The following CSMD1 variants were observed in gnomAD, a reference collection of about 807,000 sequenced individuals.
The protein encoded by CSMD1 is CUB and sushi domain-containing protein 1.
Under a neutral mutation model 417.5 loss-of-function variants are expected in CSMD1, and 213 were observed. That is an observed-to-expected ratio of 0.51 (90% CI 0.46 to 0.57). CSMD1 has a LOEUF of 0.57. Among genes scored for constraint, CSMD1 ranks in the 20% least tolerant of loss-of-function variants. The pLI is 0.00. For synonymous variants in CSMD1, 2,862 were observed against 1,736.8 expected (o/e 1.65, Z -16.11); for missense variants, 6,923 against 4,529.7 (o/e 1.53, Z -15.17).
intron 18 of CSMD1, among the ~76,000 whole-genome samples, chr8:3,382,668 G>T (rs1034033666): frequency 6.7e-6 from 1 of 148,862 alleles, no homozygotes; most frequent in African/African-American, 2.5e-5. Flanking sequence ...AAATGTATCT[G>T]CATAGCTCAT....
At chr8:4,228,377 G>A (rs111670555) in intron 3 of CSMD1, among the ~76,000 whole-genome samples, 29 of 151,876 alleles carry the variant, frequency 1.9e-4, no homozygotes, top group African/African-American at 6.5e-4. Flanking sequence ...CTCTGAAACC[G>A]CTCATGTCAA....
intron 3 of CSMD1, among the ~76,000 whole-genome samples, chr8:4,211,300 C>A (rs1464543992): frequency 1.3e-5 from 2 of 151,616 alleles, no homozygotes; most frequent in African/African-American, 4.8e-5. Context: ...TGGTTCTTTT[C>A]TTTAATCTGC....
chr8:3,992,179 A>G (rs1269703452), intron 5 of CSMD1, among the ~76,000 whole-genome samples: 1 of 150,980 alleles, frequency 6.6e-6, no homozygotes, highest in Admixed American at 6.6e-5. Context: ...TTAGATATAT[A>G]TAAATATATT....
intron 5 of CSMD1, among the ~76,000 whole-genome samples, chr8:3,994,033 G>C (rs529495335): frequency 6.6e-6 from 1 of 152,284 alleles, no homozygotes; most frequent in East Asian, 1.9e-4. Context: ...GCCAGGATGG[G>C]GCCAAATCGG....
intron 5 of CSMD1, among the ~76,000 whole-genome samples, chr8:3,828,852 G>C (rs1475880658): frequency 3.9e-5 from 6 of 152,022 alleles, no homozygotes; most frequent in South Asian, 4.2e-4. Flanking sequence ...ACGAGATTTT[G>C]TCTTATCTCT....
chr8:4,824,082 CCACACACACACACA>C (rs34597770), intron 1 of CSMD1, among the ~76,000 whole-genome samples: 1 of 147,632 alleles, frequency 6.8e-6, no homozygotes, highest in African/African-American at 2.5e-5. Context: ...AAATAAATAT[CCACACACACACACA>C]CACACACACA....
intron 3 of CSMD1, among the ~76,000 whole-genome samples, chr8:4,286,185 T>C (rs2128863651): frequency 6.6e-6 from 1 of 152,192 alleles, no homozygotes; most frequent in South Asian, 2.1e-4. Flanking sequence ...GGAGCTCCAG[T>C]TTTCTTTTCT....
intron 1 of CSMD1, among the ~76,000 whole-genome samples, chr8:4,649,455 T>G (rs1243956246): frequency 2.6e-5 from 4 of 152,202 alleles, no homozygotes; most frequent in African/African-American, 7.2e-5. Flanking sequence ...AGTGATTTTT[T>G]CCAAAGCCAC....
intron 1 of CSMD1, among the ~76,000 whole-genome samples, chr8:4,886,334 T>A (rs1803737676): frequency 6.6e-6 from 1 of 151,846 alleles, no homozygotes; most frequent in Non-Finnish European, 1.5e-5. Context: ...ACTATATATA[T>A]TTTTTTATTT....
intron 3 of CSMD1, among the ~76,000 whole-genome samples, chr8:4,157,955 A>G (rs1303079025): frequency 6.6e-6 from 1 of 152,194 alleles, no homozygotes; most frequent in Non-Finnish European, 1.5e-5. Context: ...AACATCTTTT[A>G]GCAACGTATG....
At chr8:3,321,149 G>T (rs534592858) in intron 23 of CSMD1, among the ~76,000 whole-genome samples, 10 of 152,202 alleles carry the variant, frequency 6.6e-5, no homozygotes, top group Middle Eastern at 3.4e-3. Flanking sequence ...CCCACCATCA[G>T]GTGGGTCGAA....
chr8:4,054,334 A>C (rs1798583434), intron 3 of CSMD1, among the ~76,000 whole-genome samples: 2 of 151,996 alleles, frequency 1.3e-5, no homozygotes, highest in South Asian at 4.2e-4. Context: ...CTGGGGTAGG[A>C]ATGTGTGGTT....
intron 1 of CSMD1, among the ~76,000 whole-genome samples, chr8:4,862,619 T>G (rs757891911): frequency 6.6e-6 from 1 of 152,006 alleles, no homozygotes; most frequent in Non-Finnish European, 1.5e-5. Flanking sequence ...AATACGGTTT[T>G]AGAGAAAAAC....
chr8:4,923,246 C>G (rs1806620119), intron 1 of CSMD1, among the ~76,000 whole-genome samples: 1 of 152,168 alleles, frequency 6.6e-6, no homozygotes, highest in South Asian at 2.1e-4. Flanking sequence ...AAACAGCTGT[C>G]CTTTCTTCTA....
rs146523847 is a variant in CSMD1 at position 3,809,541 on chromosome 8, T to C, written c.819-55499A>G. ...CCAGAAATTAGTGGGTTCTCAAACA[T>C]TGCCATGCATCGGATTCACTGGGAG... On this transcript the variant is annotated intron_variant, in intron 5 of 69. Coordinates refer to ENST00000635120, the MANE Select transcript of CSMD1 (RefSeq NM_033225.6). Among the ~76,000 whole-genome samples the C allele has an allele frequency of 3.9e-3, 591 of 152,304 alleles. 4 individuals are homozygous for C. Among genetic ancestry groups the C allele is most frequent in the East Asian group, 0.015 (79 of 5,172 alleles).
chr8:3,459,198 G>A (rs1816339538), intron 12 of CSMD1, among the ~76,000 whole-genome samples: 1 of 152,210 alleles, frequency 6.6e-6, no homozygotes, highest in African/African-American at 2.4e-5. Flanking sequence ...GACTTGCTCT[G>A]TGGTGGCTGC....
At chr8:3,508,506 TAA>T (rs76431160) in intron 10 of CSMD1, among the ~76,000 whole-genome samples, 67 of 148,600 alleles carry the variant, frequency 4.5e-4, no homozygotes, top group African/African-American at 1.5e-3. Flanking sequence ...TAAAGTATAA[TAA>T]AAAAAAAAGA....
chr8:3,708,894 G>C (rs1262936986), intron 6 of CSMD1, among the ~76,000 whole-genome samples: 1 of 152,068 alleles, frequency 6.6e-6, no homozygotes, highest in Non-Finnish European at 1.5e-5. Context: ...AAAAAGTTTA[G>C]ATAAAAAGGC....
At chr8:3,218,186 G>A (rs1035346687) in intron 29 of CSMD1, among the ~76,000 whole-genome samples, 2 of 152,160 alleles carry the variant, frequency 1.3e-5, no homozygotes, top group South Asian at 2.1e-4. Flanking sequence ...TCTGAGCAGC[G>A]TCAGAAACCT....
Sources: gnomAD v4.1 joint callset for allele counts (sites outside exome capture counted in the v4.1 genomes callset) on GRCh38, gnomAD v4.1.1 for gene constraint, MANE v1.5 for transcripts, NCBI Gene and HGNC (gene_info 2026-07-23, HGNC 2026-07-21) for gene names.